The following HIF3A variants were observed in gnomAD, a reference collection of about 807,000 sequenced individuals.
The protein encoded by HIF3A is hypoxia-inducible factor 3-alpha.
In HIF3A, 41 loss-of-function variants were observed where a neutral mutation model predicts 67.2. The ratio of observed to expected loss-of-function variants is 0.61; its 90% confidence interval spans 0.48 to 0.79. HIF3A has a LOEUF of 0.79. Ranked by LOEUF, HIF3A falls within the 30% of genes least tolerant of loss-of-function variation. HIF3A has a pLI of 0.00. For missense variants in HIF3A, 855 were observed against 898.0 expected (o/e 0.95, Z 0.61); for synonymous variants, 356 against 374.8 (o/e 0.95, Z 0.58).
chr19:46,332,108 G>A (rs977208907), intron 13 of HIF3A, among the ~76,000 whole-genome samples: 1 of 152,122 alleles, frequency 6.6e-6, no homozygotes, highest in Non-Finnish European at 1.5e-5. Flanking sequence ...GGCAGGTTAC[G>A]TCACCACGTG....
In HIF3A at chr19:46,330,477, C is replaced by CAAT. The variant is rs374940587; in HGVS notation, c.1713-679_1713-678insAAT. ...ATAGATGGTGGATGGATGGATGAAT[C>CAAT]GGATGGATGGAGGGATGGATGGATG... On this transcript the variant is annotated intron_variant, in intron 12 of 14. Coordinates refer to ENST00000377670, the MANE Select transcript of HIF3A (RefSeq NM_152795.4). Among the ~76,000 whole-genome samples, 687 of 149,376 alleles carry CAAT rather than the reference C, an allele frequency of 4.6e-3. 4 individuals carry two copies. Among genetic ancestry groups the CAAT allele is most frequent in the African/African-American group, 0.016 (630 of 40,546 alleles).
At chr19:46,314,251 G>T (rs113259718) in intron 8 of HIF3A, among the ~76,000 whole-genome samples, 2,760 of 147,084 alleles carry the variant, frequency 0.019, 188 homozygotes, top group Non-Finnish European at 0.025. Flanking sequence ...AGTGGCTCAC[G>T]CCTGTAATCC....
intron 12 of HIF3A, 33 bp downstream of exon 12, chr19:46,329,511 G>A: frequency 2.0e-6 from 3 of 1,472,750 alleles, no homozygotes; most frequent in Admixed American, 2.6e-5. Context: ...CATCAAGGCA[G>A]CATCCCCTCA....
Position 46,320,570 on chromosome 19 carries a change from C to A in HIF3A, c.1144+9C>A. ...CCCTGGGGACAGCCTTGGTATGGGG[C>A]AGGGCTGGGGCCGGGAGGGGTTGTG... On this transcript the variant is annotated intron_variant, in intron 9 of 14. Coordinates refer to ENST00000377670, the MANE Select transcript of HIF3A (RefSeq NM_152795.4). 1 of 1,603,792 alleles carries A rather than the reference C, an allele frequency of 6.2e-7. No homozygotes were observed. The highest frequency in any genetic ancestry group is 8.5e-7 in the Non-Finnish European group (1 of 1,171,020).
At position 46,303,984 on chromosome 19, in the gene HIF3A, C is replaced by G. The variant is rs752756082; in HGVS notation, c.113C>G (p.Ala38Gly). The G allele has an allele frequency of 1.9e-6, 3 of 1,601,764 alleles. No individual in the cohort carries two copies. In the East Asian group the frequency reaches 6.8e-5, roughly 36 times the overall value. Residue 38 changes from alanine to glycine, a missense_variant, in exon 2 of 15, where the codon GCT (alanine) becomes GGT (glycine). Ala to Gly is a moderately conservative substitution (Grantham distance 60). Around this residue, in one of 3 missense-constraint regions of HIF3A, gnomAD observed 638 missense variants for 660.5 expected, o/e 0.97. Transcript: ENST00000377670. The stretch of plus-strand genomic sequence containing the variant: ...GAGACCGAGGTGCTGTACCAGCTGG[C>G]TCACACGCTGCCCTTCGCCCGCGGC... ...SQETEVLYQL[A>G]HTLPFARGVS...
intron 14 of HIF3A, among the ~76,000 whole-genome samples, chr19:46,336,034 C>G (rs1971583895): frequency 6.6e-6 from 1 of 151,096 alleles, no homozygotes; most frequent in South Asian, 2.1e-4. Flanking sequence ...GGGCGAGATC[C>G]TGTCTCTATT....
chr19:46,303,513 T>C, intron 1 of HIF3A: 5 of 1,055,838 alleles, frequency 4.7e-6, no homozygotes, highest in Non-Finnish European at 6.8e-6. Flanking sequence ...CCCTCCCTCC[T>C]CTGGCCCCTG....
At chr19:46,309,080 C>A in intron 5 of HIF3A, 71 bp from the exon 6 acceptor site, 1 of 1,329,246 alleles carries the variant, frequency 7.5e-7, no homozygotes. Context: ...CCTCAGGACG[C>A]ATCTTCCAAC....
intron 11 of HIF3A, among the ~76,000 whole-genome samples, chr19:46,327,167 T>C (rs1179496948): frequency 1.3e-5 from 2 of 151,470 alleles, no homozygotes; most frequent in South Asian, 2.1e-4. Flanking sequence ...AAAAAATATA[T>C]ATATATATAA....
intron 9 of HIF3A, 45 bp downstream of exon 9, chr19:46,320,606 C>T (rs1233898857): frequency 1.4e-6 from 2 of 1,478,466 alleles, no homozygotes; most frequent in Non-Finnish European, 1.9e-6. Context: ...TCCCCAGGGC[C>T]CTTGGGAGAA....
intron 8 of HIF3A, among the ~76,000 whole-genome samples, chr19:46,318,208 GA>G (rs1444761193): frequency 4.4e-5 from 3 of 67,780 alleles, no homozygotes; most frequent in East Asian, 5.5e-4. Context: ...ATGTCATTTG[GA>G]ATTTTTTTTT....
chr19:46,297,072 G>A lies in HIF3A; in HGVS notation c.-5G>A. ...CGAGGGCTCCGGAGCGGCGACTGGC[G>A]AGCCATGGCGCTGGGGCTGCAGCGC... On this transcript the variant is annotated 5_prime_UTR_variant, in exon 1 of 15. Transcript: ENST00000377670. The surrounding 1 kb of genome is among the most constrained non-coding windows in gnomAD (Gnocchi z 4.5). 7.6e-7 allele frequency: 1 copy of A among 1,307,318 alleles called. No homozygotes were observed. The highest frequency in any genetic ancestry group is 9.8e-7 in the Non-Finnish European group (1 of 1,018,578). 81.0% of individuals were successfully genotyped at this position (1,307,318 alleles called of 1,614,324 possible). A position where few individuals can be genotyped will look rare whatever the true frequency, so the allele number is the denominator to read the frequency against.
intron 2 of HIF3A, 144 bp downstream of exon 2, chr19:46,304,232 C>A: frequency 1.4e-6 from 1 of 691,722 alleles, no homozygotes; most frequent in Non-Finnish European, 2.4e-6. Context: ...GGAGCCCCAC[C>A]CCCCTGGAAT....
At chr19:46,313,093 T>A in intron 8 of HIF3A, 1 of 688,610 alleles carries the variant, frequency 1.5e-6, no homozygotes. Flanking sequence ...CTACTAATAA[T>A]ACCAAAAATT....
rs952716729 is a variant in HIF3A at position 46,298,558 on chromosome 19, A to G, written c.26+1456A>G. ...CCTCCTTTCCCCCTTCCCTTCCTCTAGCTGGGGCTGGCTGCCATCCCACTG... is the reference window on the plus strand; with the variant it reads ...CCTCCTTTCCCCCTTCCCTTCCTCTGGCTGGGGCTGGCTGCCATCCCACTG... On this transcript the variant is annotated intron_variant, in intron 1 of 14. Transcript: ENST00000377670. 1.3e-5 allele frequency: 16 copies of G among 1,222,520 alleles called. No individual in the cohort carries two copies. In the African/African-American group the frequency reaches 2.3e-4, roughly 18 times the overall value. 75.7% of individuals were successfully genotyped at this position (1,222,520 alleles called of 1,614,324 possible).
Position 46,334,999 on chromosome 19 carries a change from C to G in HIF3A, c.1912+13C>G, listed in dbSNP as rs1451700645. ...AATGAGCCCCTGGGTGAGTAGCAAC[C>G]TGGGTATCCAGAGCCCCAGAGCACC... On this transcript the variant is annotated intron_variant, in intron 14 of 14. Transcript: ENST00000377670. The G allele has an allele frequency of 6.3e-7, 1 of 1,598,806 alleles. No homozygotes were observed. Among genetic ancestry groups the G allele is most frequent in the African/African-American group, 1.3e-5 (1 of 74,656 alleles).
intron 10 of HIF3A, among the ~76,000 whole-genome samples, chr19:46,324,581 C>T (rs772334187): frequency 2.0e-5 from 3 of 151,872 alleles, no homozygotes; most frequent in African/African-American, 2.4e-5. Flanking sequence ...AGGCTGGGTG[C>T]GGTGGCTCAT....
At chr19:46,324,172 G>A (rs1319213449) in intron 10 of HIF3A, among the ~76,000 whole-genome samples, 2 of 152,180 alleles carry the variant, frequency 1.3e-5, no homozygotes, top group African/African-American at 2.4e-5. Flanking sequence ...GGCTGGGCAA[G>A]CAAGTTCTTG....
chr19:46,310,574 G>A (rs765438847), intron 6 of HIF3A: 39 of 455,722 alleles, frequency 8.6e-5, no homozygotes, highest in Middle Eastern at 3.2e-4. Flanking sequence ...CTGCTTGAGT[G>A]TCAGTCTTGG....
Sources: gnomAD v4.1 joint callset for allele counts (sites outside exome capture counted in the v4.1 genomes callset) on GRCh38, gnomAD v4.1.1 for gene constraint, gnomAD v4.1.1 regional missense constraint, Gnocchi (gnomAD v3.1) non-coding constraint, MANE v1.5 for transcripts, NCBI Gene and HGNC (gene_info 2026-07-23, HGNC 2026-07-21) for gene names.